The following ACYP2 variants were observed in gnomAD, a reference collection of about 807,000 sequenced individuals.
The protein encoded by ACYP2 is acylphosphatase 2.
ACYP2 carries 12 observed loss-of-function variants against 11.2 expected under a neutral mutation model. The observed-to-expected ratio is 1.08, with a 90% CI of 0.69 to 1.74. The LOEUF is 1.74. ACYP2 is among the 40% of genes most tolerant of loss of function. The pLI is 0.00. For synonymous variants in ACYP2, 43 were observed against 32.2 expected (o/e 1.33, Z -1.13); for missense variants, 134 against 101.9 (o/e 1.31, Z -1.35).
chr2:54,271,946 C>T (rs1001782625), intron 6 of ACYP2, among the ~76,000 whole-genome samples: 1 of 152,116 alleles, frequency 6.6e-6, no homozygotes, highest in African/African-American at 2.4e-5. Flanking sequence ...CTTAATGTAT[C>T]ATTCTGTTGT....
intron 6 of ACYP2, among the ~76,000 whole-genome samples, chr2:54,280,826 C>T (rs1028115596): frequency 3.3e-5 from 5 of 151,926 alleles, no homozygotes; most frequent in Admixed American, 1.3e-4. Context: ...GAAACTTAAT[C>T]GATAGGAAGA....
At chr2:53,973,427 CA>C (rs568058656) in intron 1 of ACYP2, among the ~76,000 whole-genome samples, 34 of 152,146 alleles carry the variant, frequency 2.2e-4, no homozygotes, top group African/African-American at 7.5e-4. Flanking sequence ...TGAAGATCCA[CA>C]AAAAAAGTGA....
chr2:54,161,720 A>G (rs1682718863), intron 6 of ACYP2, among the ~76,000 whole-genome samples: 1 of 152,232 alleles, frequency 6.6e-6, no homozygotes, highest in African/African-American at 2.4e-5. Flanking sequence ...TTACATGAAC[A>G]GTATTACACA....
intron 6 of ACYP2, among the ~76,000 whole-genome samples, chr2:54,290,052 G>A (rs911692104): frequency 2.0e-5 from 3 of 151,996 alleles, no homozygotes; most frequent in Non-Finnish European, 4.4e-5. Flanking sequence ...CCACCTTGGC[G>A]CTATTCTTTT....
intron 4 of ACYP2, among the ~76,000 whole-genome samples, chr2:54,099,507 T>C (rs1213530706): frequency 6.6e-6 from 1 of 152,182 alleles, no homozygotes; most frequent in Non-Finnish European, 1.5e-5. Context: ...GTTTTTAGAT[T>C]CCACATATGG....
chr2:54,107,537 C>T (rs1287328869), intron 4 of ACYP2, among the ~76,000 whole-genome samples: 1 of 152,204 alleles, frequency 6.6e-6, no homozygotes, highest in Non-Finnish European at 1.5e-5. Flanking sequence ...AGACATTGCA[C>T]TGGTCAAGGT....
In ACYP2 at chr2:54,143,550, C is replaced by T. The variant is rs141004558; in HGVS notation, c.404+4802C>T. ...CTGGGTTCAAGCAATTCTTCTGCCT[C>T]AGCCTCCCGAGTAGCTGGGATTACA... On this transcript the variant is annotated intron_variant, in intron 6 of 6. Coordinates refer to ENST00000607452, the MANE Select transcript of ACYP2 (RefSeq NM_001320586.2). Among the ~76,000 whole-genome samples the T allele has an allele frequency of 1.6e-4, 24 of 152,248 alleles. No individual in the cohort carries two copies. In the East Asian group the frequency reaches 4.5e-3, roughly 28 times the overall value.
intron 6 of ACYP2, among the ~76,000 whole-genome samples, chr2:54,150,556 A>G (rs4671889): frequency 0.67 from 101,028 of 151,266 alleles, 35,323 homozygotes; most frequent in East Asian, 0.92. Context: ...TGAGTAGCTG[A>G]GATTACAGGC....
intron 6 of ACYP2, among the ~76,000 whole-genome samples, chr2:54,227,673 T>C (rs930642576): frequency 6.6e-6 from 1 of 152,092 alleles, no homozygotes; most frequent in Non-Finnish European, 1.5e-5. Context: ...CTTTTGAAGG[T>C]ATCACACATA....
intron 4 of ACYP2, among the ~76,000 whole-genome samples, chr2:54,068,699 T>G (rs574156869): frequency 6.6e-6 from 1 of 152,290 alleles, no homozygotes; most frequent in South Asian, 2.1e-4. Context: ...TGAGTTGTTT[T>G]CTGCTACATG....
intron 2 of ACYP2, among the ~76,000 whole-genome samples, chr2:54,022,237 G>A (rs374604340): frequency 2.0e-5 from 3 of 151,248 alleles, no homozygotes; most frequent in South Asian, 4.2e-4. Flanking sequence ...TTGAGAAGTT[G>A]TAGATATCAT....
intron 6 of ACYP2, among the ~76,000 whole-genome samples, chr2:54,149,636 A>T (rs1482089776): frequency 6.6e-6 from 1 of 152,240 alleles, no homozygotes; most frequent in Non-Finnish European, 1.5e-5. Context: ...TAAAGACTCA[A>T]TGGTAGTTTT....
intron 6 of ACYP2, among the ~76,000 whole-genome samples, chr2:54,278,126 C>T (rs960630031): frequency 1.2e-4 from 19 of 152,094 alleles, no homozygotes; most frequent in African/African-American, 4.1e-4. Context: ...TACAGGCGCC[C>T]GCCACCATGC....
intron 6 of ACYP2, among the ~76,000 whole-genome samples, chr2:54,165,493 T>C (rs1682911576): frequency 6.7e-6 from 1 of 148,980 alleles, no homozygotes; most frequent in South Asian, 2.1e-4. Flanking sequence ...TGTGTCTGTC[T>C]CTCTCTGTCT....
chr2:54,090,621 ACTCCGT>A (rs1678177236), intron 4 of ACYP2, among the ~76,000 whole-genome samples: 1 of 152,070 alleles, frequency 6.6e-6, no homozygotes. Flanking sequence ...ACAGAGTGAG[ACTCCGT>A]CTCAAAACAA....
chr2:54,027,052 T>C (rs1053946271), intron 2 of ACYP2, among the ~76,000 whole-genome samples: 1 of 152,142 alleles, frequency 6.6e-6, no homozygotes, highest in Admixed American at 6.5e-5. Context: ...AATAACAGTT[T>C]TAGGTTTACT....
chr2:53,998,435 A>G (rs535329560), intron 2 of ACYP2, among the ~76,000 whole-genome samples: 17 of 152,340 alleles, frequency 1.1e-4, no homozygotes, highest in Admixed American at 9.2e-4. Context: ...AGGATGATTA[A>G]TAAACGAATT....
At chr2:54,250,637 T>C (rs1687181831) in intron 6 of ACYP2, among the ~76,000 whole-genome samples, 1 of 152,368 alleles carries the variant, frequency 6.6e-6, no homozygotes, top group Middle Eastern at 3.4e-3. Context: ...ATCTACCTTA[T>C]GTTTCAAAGG....
chr2:54,122,239 A>C (rs1374764319), intron 4 of ACYP2, among the ~76,000 whole-genome samples: 2 of 152,038 alleles, frequency 1.3e-5, no homozygotes, highest in Non-Finnish European at 2.9e-5. Context: ...GACATTTAAA[A>C]CTCATCACAG....
Sources: allele counts gnomAD v4.1 joint callset (sites outside exome capture counted in the v4.1 genomes callset), GRCh38; gene constraint gnomAD v4.1.1; transcripts MANE v1.5; gene names NCBI Gene and HGNC (gene_info 2026-07-23, HGNC 2026-07-21).